PKHD1: variants seen among roughly 807,000 people sequenced by gnomAD.
PKHD1 encodes PKHD1 ciliary IPT domain containing fibrocystin/polyductin.
PKHD1 carries 291 observed loss-of-function variants against 412.0 expected under a neutral mutation model. The observed-to-expected ratio is 0.71, with a 90% CI of 0.64 to 0.78. The LOEUF is 0.78. Ranked by LOEUF, PKHD1 falls within the 30% of genes least tolerant of loss-of-function variation. The pLI, the probability that PKHD1 is intolerant of heterozygous loss-of-function variation, is 0.00. For missense variants in PKHD1, 4,825 were observed against 4,950.7 expected (o/e 0.97, Z 0.76); for synonymous variants, 1,777 against 1,821.5 (o/e 0.98, Z 0.62).
At chr6:52,040,982 A>G (rs1370689826) in intron 27 of PKHD1, among the ~76,000 whole-genome samples, 2 of 152,232 alleles carry the variant, frequency 1.3e-5, no homozygotes. Context: ...GGTAACAATT[A>G]AAGGTTGAAG....
chr6:51,953,294 GA>G (rs1041571624), intron 36 of PKHD1, among the ~76,000 whole-genome samples: 1 of 151,634 alleles, frequency 6.6e-6, no homozygotes, highest in South Asian at 2.1e-4. Context: ...TACAGTTAGA[GA>G]AAAAAAACAA....
rs749934371 is a variant in PKHD1 at position 52,025,631 on chromosome 6, G to T, written c.4179C>A (p.Ala1393=). The T allele has an allele frequency of 4.3e-6, 7 of 1,614,002 alleles. No homozygotes were observed. The South Asian group carries it at 5.5e-5, about 13-fold the overall frequency. ...ATGCCGAACCCTGCGATGGGAAGAT[G>T]GCCATTATCCGAGGCATCACTGCAA... is the stretch of plus-strand genomic sequence containing the variant. ...QQFAVMPRIM[A]IFPSQGSACG... is the part of the protein sequence containing the mutation. The change falls in exon 32 of 67, where the codon GCC becomes GCA. Residue 1393 remains alanine (A), a synonymous_variant. Coordinates refer to ENST00000371117, the MANE Select transcript of PKHD1 (RefSeq NM_138694.4).
intron 60 of PKHD1, among the ~76,000 whole-genome samples, chr6:51,688,835 C>T (rs549922763): frequency 1.8e-4 from 27 of 152,170 alleles, no homozygotes; most frequent in African/African-American, 6.5e-4. Context: ...CAATAACTAC[C>T]TTGAAATTGG....
At chr6:51,892,545 C>T (rs1779269876) in intron 43 of PKHD1, among the ~76,000 whole-genome samples, 1 of 152,148 alleles carries the variant, frequency 6.6e-6, no homozygotes, top group South Asian at 2.1e-4. Flanking sequence ...CCCAAAATGT[C>T]AATATTGACG....
chr6:52,058,209 A>G (rs1808084302), intron 16 of PKHD1, 114 bp downstream of exon 16: 2 of 926,070 alleles, frequency 2.2e-6, no homozygotes, highest in East Asian at 2.4e-5. Flanking sequence ...TATTTCTTTG[A>G]CAGCAAGGTT....
At chr6:51,657,690 G>C (rs1414503) in intron 61 of PKHD1, among the ~76,000 whole-genome samples, 32,361 of 151,962 alleles carry the variant, frequency 0.21, 4,376 homozygotes, top group African/African-American at 0.37. Context: ...CCTCATGATA[G>C]AATGGCATGC....
Position 51,659,367 on chromosome 6 carries a change from A to G in PKHD1, c.10759T>C (p.Phe3587Leu), listed in dbSNP as rs755174075. The G allele has an allele frequency of 1.5e-5, 24 of 1,613,686 alleles. No homozygotes were observed. The highest frequency in any genetic ancestry group is 1.9e-5 in the Non-Finnish European group (22 of 1,179,888). The change falls in exon 61 of 67, where the codon TTC becomes CTC. Residue 3587 changes from phenylalanine to leucine, a missense_variant. Coordinates refer to ENST00000371117, the MANE Select transcript of PKHD1 (RefSeq NM_138694.4). ...ATTTGGTTTTGGCCAATCTGTAAGAAGTTAGTTAGTCTTTCGAGTATTACT... is the reference window on the plus strand; with the variant it reads ...ATTTGGTTTTGGCCAATCTGTAAGAGGTTAGTTAGTCTTTCGAGTATTACT... ...EIVILERLTN[F>L]LQIGQNQIRF...
chr6:51,810,500 A>C (rs555109979), intron 52 of PKHD1, among the ~76,000 whole-genome samples: 5 of 152,168 alleles, frequency 3.3e-5, no homozygotes, highest in Admixed American at 6.6e-5. Context: ...CAAGTTTTCC[A>C]AGACTTGTGA....
chr6:52,050,672 G>A (rs1320438692), intron 21 of PKHD1, among the ~76,000 whole-genome samples: 1 of 152,204 alleles, frequency 6.6e-6, no homozygotes, highest in Non-Finnish European at 1.5e-5. Flanking sequence ...CTCTAGGGAT[G>A]TTTAGCTGAT....
At chr6:51,651,744 C>T (rs994511816) in intron 61 of PKHD1, among the ~76,000 whole-genome samples, 14 of 152,124 alleles carry the variant, frequency 9.2e-5, no homozygotes, top group African/African-American at 2.7e-4. Context: ...TAGCATTGTG[C>T]GAATTAACGT....
chr6:51,940,944 G>A (rs920255718), intron 36 of PKHD1, among the ~76,000 whole-genome samples: 4 of 151,404 alleles, frequency 2.6e-5, no homozygotes, highest in East Asian at 3.9e-4. Context: ...TTATTAGGCC[G>A]AGACATTTTA....
chr6:51,845,733 GT>G (rs1381736788), intron 50 of PKHD1, among the ~76,000 whole-genome samples: 1 of 152,144 alleles, frequency 6.6e-6, no homozygotes, highest in Non-Finnish European at 1.5e-5. Flanking sequence ...TATACCATAT[GT>G]GTATATATAA....
At position 51,619,296 on chromosome 6, in the gene PKHD1, C is replaced by T; in HGVS notation, c.12010G>A (p.Glu4004Lys). ...QETGNWKEGQ[E>K]QLLRYQLAGQ... ...GCCAGCTGGTATCTGAGCAACTGCT[C>T]TTGGCCCTCCTTCCAGTTCCCAGTC... Residue 4004 changes from glutamate to lysine, a missense_variant, in exon 67 of 67, where the codon GAG becomes AAG. By Grantham distance (56) the Glu-to-Lys change is moderately conservative. Coordinates refer to ENST00000371117, the MANE Select transcript of PKHD1 (RefSeq NM_138694.4). 6.2e-7 allele frequency: 1 copy of T among 1,614,252 alleles called. No individual in the cohort carries two copies. The highest frequency in any genetic ancestry group is 1.7e-5 in the Admixed American group (1 of 60,032).
At chr6:51,941,236 CTTTTTTTTTTTTTTTT>C (rs539546758) in intron 36 of PKHD1, among the ~76,000 whole-genome samples, 1 of 63,018 alleles carries the variant, frequency 1.6e-5, no homozygotes. Context: ...ACAGCATGGC[CTTTTTTTTTTTTTTTT>C]TTTTTTTTTT....
intron 13 of PKHD1, among the ~76,000 whole-genome samples, chr6:52,064,246 G>C (rs1809150140): frequency 6.6e-6 from 1 of 152,240 alleles, no homozygotes. Context: ...GCAGCCTGTG[G>C]TTCTTGGCTG....
At chr6:52,075,554 T>C (rs192694122) in intron 6 of PKHD1, among the ~76,000 whole-genome samples, 6 of 152,348 alleles carry the variant, frequency 3.9e-5, no homozygotes, top group Admixed American at 3.9e-4. Context: ...CACTTCTCAG[T>C]TGCAATCCCT....
chr6:51,662,864 G>T (rs1773089278), intron 60 of PKHD1, among the ~76,000 whole-genome samples: 1 of 151,940 alleles, frequency 6.6e-6, no homozygotes, highest in Admixed American at 6.6e-5. Flanking sequence ...CAGAAATTTT[G>T]AACTGTTCTA....
chr6:51,787,305 G>A (rs1227712735), intron 53 of PKHD1, among the ~76,000 whole-genome samples: 1 of 149,878 alleles, frequency 6.7e-6, no homozygotes, highest in East Asian at 2.0e-4. Context: ...GTTGCAATGA[G>A]CTGAGATGGC....
intron 36 of PKHD1, among the ~76,000 whole-genome samples, chr6:51,951,348 C>G (rs1790340058): frequency 6.6e-6 from 1 of 151,934 alleles, no homozygotes; most frequent in African/African-American, 2.4e-5. Context: ...AAAAAATCGT[C>G]TTTTTCCCGA....
Sources: gnomAD v4.1 joint callset for allele counts (sites outside exome capture counted in the v4.1 genomes callset) on GRCh38, gnomAD v4.1.1 for gene constraint, MANE v1.5 for transcripts, NCBI Gene and HGNC (gene_info 2026-07-23, HGNC 2026-07-21) for gene names.